Variants in JAK1 observed in about 807,000 individuals in gnomAD.
The protein encoded by JAK1 is Janus kinase 1.
Under a neutral mutation model 136.6 loss-of-function variants are expected in JAK1, and 16 were observed. The observed-to-expected ratio is 0.12, with a 90% CI of 0.08 to 0.18. JAK1 has a LOEUF of 0.18. JAK1 is among the 10% of genes least tolerant of loss of function. The probability of loss-of-function intolerance (pLI) is 1.00; values close to 1 mark genes in which losing one functional copy is unlikely to be tolerated. For synonymous variants in JAK1, 492 were observed against 519.5 expected, an observed-to-expected ratio of 0.95 and a Z score of 0.72; for missense variants, 859 against 1,450.1, an observed-to-expected ratio of 0.59 and a Z score of 6.62.
intron 2 of JAK1, among the ~76,000 whole-genome samples, chr1:64,997,838 A>G (rs542148960): frequency 6.6e-6 from 1 of 152,332 alleles, no homozygotes; most frequent in South Asian, 2.1e-4. Flanking sequence ...TCTCCAAGGC[A>G]CAGGTTACCC....
intron 2 of JAK1, among the ~76,000 whole-genome samples, chr1:64,883,892 T>C (rs1429858847): frequency 1.3e-5 from 2 of 152,192 alleles, no homozygotes; most frequent in African/African-American, 2.4e-5. Flanking sequence ...TGGAATCACA[T>C]AAGCTTTGAA....
chr1:64,836,364 A>G, intron 22 of JAK1, 149 bp from the exon 23 acceptor site: 1 of 641,102 alleles, frequency 1.6e-6, no homozygotes. Context: ...CATACCATGT[A>G]TACGCTGCTA....
chr1:64,888,994 T>C (rs1449299386), intron 1 of JAK1, among the ~76,000 whole-genome samples: 2 of 152,246 alleles, frequency 1.3e-5, no homozygotes, highest in Non-Finnish European at 2.9e-5. Flanking sequence ...ATCCACTTTA[T>C]ATGAAATGAC....
chr1:64,845,580 C>T lies in JAK1; in HGVS notation c.2048G>A (p.Ser683Asn), dbSNP rs1655178440. The change falls in exon 15 of 25, where the codon AGC (serine) becomes AAC (asparagine). Residue 683 changes from serine (S) to asparagine (N), a missense_variant. Transcript: ENST00000342505. Reference protein sequence around the residue: ...GPLDLFMHRKSDVLTTPWKFK... With the variant: ...GPLDLFMHRKNDVLTTPWKFK... ...TTTCCATGGTGTGGTAAGGACATCG[C>T]TTTTCCGGTGCATGAAGAGATCCAG... 1 of 1,614,024 alleles carries T rather than the reference C, an allele frequency of 6.2e-7. No homozygotes were observed. Among genetic ancestry groups the T allele is most frequent in the Non-Finnish European group, 8.5e-7 (1 of 1,180,016 alleles).
At chr1:64,864,609 C>T (rs992999297) in intron 8 of JAK1, among the ~76,000 whole-genome samples, 178 bp downstream of exon 8, 12 of 152,214 alleles carry the variant, frequency 7.9e-5, no homozygotes, top group African/African-American at 1.9e-4. Flanking sequence ...TGGAATGTAT[C>T]GGTGTAACTT....
upstream of JAK1, among the ~76,000 whole-genome samples, chr1:64,968,143 GA>G (rs796530736): frequency 1.5e-4 from 23 of 152,220 alleles, no homozygotes; most frequent in African/African-American, 5.3e-4. Flanking sequence ...AGGATGTAAA[GA>G]AAAAGGAAAG....
chr1:64,913,671 G>A (rs916312214), intron 1 of JAK1, among the ~76,000 whole-genome samples: 5 of 37,346 alleles, frequency 1.3e-4, no homozygotes, highest in Admixed American at 2.4e-4. Context: ...AAGGAAGGAA[G>A]GAAGGAAGGA....
At chr1:65,051,183 GGT>G (rs1647273797) in intron 1 of JAK1, among the ~76,000 whole-genome samples, 1 of 84,282 alleles carries the variant, frequency 1.2e-5, no homozygotes, top group Non-Finnish European at 2.9e-5. Context: ...AGGTATGTCA[GGT>G]TTTTTTTTTT....
At chr1:64,947,050 G>A (rs1271342400) in intron 1 of JAK1, among the ~76,000 whole-genome samples, 1 of 152,220 alleles carries the variant, frequency 6.6e-6, no homozygotes. Context: ...GTTGGCAGGA[G>A]CTAGCAGGAA....
chr1:65,004,831 C>T (rs944085154), intron 2 of JAK1, among the ~76,000 whole-genome samples: 2 of 152,180 alleles, frequency 1.3e-5, no homozygotes, highest in African/African-American at 4.8e-5. Flanking sequence ...TGTGAAATGT[C>T]TCATTTCAGC....
chr1:64,929,749 G>T (rs1645654852), intron 1 of JAK1, among the ~76,000 whole-genome samples: 1 of 152,270 alleles, frequency 6.6e-6, no homozygotes, highest in East Asian at 1.9e-4. Context: ...AAAGAACAAA[G>T]CTGGAGGCAT....
At chr1:65,054,394 G>T (rs1251389299) in intron 1 of JAK1, among the ~76,000 whole-genome samples, 1 of 151,928 alleles carries the variant, frequency 6.6e-6, no homozygotes, top group East Asian at 1.9e-4. Context: ...TGCTGCTTTA[G>T]TCTCTTATAT....
At chr1:64,925,430 G>T (rs1448880805) in intron 1 of JAK1, among the ~76,000 whole-genome samples, 1 of 151,944 alleles carries the variant, frequency 6.6e-6, no homozygotes, top group African/African-American at 2.4e-5. Context: ...ACCTAAAACT[G>T]CTTTAAGAAA....
At chr1:64,991,484 C>T (rs1254607001) in intron 2 of JAK1, 1 of 152,204 alleles carries the variant, frequency 6.6e-6, no homozygotes, top group Admixed American at 6.5e-5. Context: ...AGGCCCTAAC[C>T]TAGCCATTTA....
Position 64,984,715 on chromosome 1 carries a change from T to A in JAK1, c.-78+59765A>T. 1 of 756,178 alleles carries A rather than the reference T, an allele frequency of 1.3e-6. No homozygotes were observed. Among genetic ancestry groups the A allele is most frequent in the African/African-American group, 1.8e-5 (1 of 56,836 alleles). The allele number at this position is 756,178 out of a possible 1,614,324, so 46.8% of individuals were successfully genotyped here. ...GCCTGCCCCTCAAAGGCCTATGTGA[T>A]ATCCTTGAAAGTCCTGTAACACATC... On this transcript the variant is annotated intron_variant, in intron 2 of 25. Coordinates refer to the JAK1 transcript ENST00000671954. The surrounding 1 kb of genome is among the most constrained non-coding windows in gnomAD (Gnocchi z 4.1).
intron 1 of JAK1, among the ~76,000 whole-genome samples, chr1:64,920,466 C>T (rs1023386784): frequency 2.0e-5 from 3 of 152,104 alleles, no homozygotes; most frequent in Non-Finnish European, 4.4e-5. Context: ...ATTGCTTAAG[C>T]CTAGGAAGCA....
At chr1:64,912,397 T>C (rs1181573673) in intron 1 of JAK1, among the ~76,000 whole-genome samples, 1 of 152,216 alleles carries the variant, frequency 6.6e-6, no homozygotes, top group African/African-American at 2.4e-5. Context: ...TACAGTGCAG[T>C]AGCATCCTGC....
At chr1:64,950,499 T>C (rs1298462100) in intron 1 of JAK1, among the ~76,000 whole-genome samples, 4 of 152,184 alleles carry the variant, frequency 2.6e-5, no homozygotes. Context: ...CAAAGTTTTA[T>C]CATTCTTAGG....
At position 64,844,740 on chromosome 1, in the gene JAK1, G is replaced by C. The variant is rs769875416; in HGVS notation, c.2251+14C>G. The C allele has an allele frequency of 1.1e-5, 17 of 1,613,824 alleles. No homozygotes were observed. Among genetic ancestry groups the C allele is most frequent in the East Asian group, 6.7e-5 (3 of 44,894 alleles). Reference sequence around the variant, plus strand: ...ACTCGGGGTGGGGCCAGAGGGAAGAGAGGGGAGACACACCTTGCCTAGACA... The same window carrying C: ...ACTCGGGGTGGGGCCAGAGGGAAGACAGGGGAGACACACCTTGCCTAGACA... On this transcript the variant is annotated intron_variant, in intron 16 of 24. Transcript: ENST00000342505. This position sits in a 1 kb window ranked among gnomAD's most constrained non-coding sequence, Gnocchi z 5.7.
Sources: gnomAD v4.1 joint callset for allele counts (sites outside exome capture counted in the v4.1 genomes callset) on GRCh38, gnomAD v4.1.1 for gene constraint, Gnocchi (gnomAD v3.1) non-coding constraint, MANE v1.5 for transcripts, NCBI Gene and HGNC (gene_info 2026-07-23, HGNC 2026-07-21) for gene names.